HMBOX1: variants seen among roughly 807,000 people sequenced by gnomAD.
HMBOX1 encodes homeobox containing 1.
Under a neutral mutation model 54.5 loss-of-function variants are expected in HMBOX1, and 14 were observed. The observed-to-expected ratio is 0.26, with a 90% CI of 0.17 to 0.40. The LOEUF is 0.40. Among genes scored for constraint, HMBOX1 ranks in the 10% least tolerant of loss-of-function variants. The pLI is 1.00. For synonymous variants in HMBOX1, 160 were observed against 181.0 expected (o/e 0.88, Z 0.93); for missense variants, 332 against 514.4 (o/e 0.65, Z 3.43).
intron 6 of HMBOX1, among the ~76,000 whole-genome samples, chr8:29,041,381 A>G (rs939484647): frequency 1.3e-5 from 2 of 151,932 alleles, no homozygotes; most frequent in African/African-American, 4.8e-5. Context: ...TGTGAGATCC[A>G]TTTCTTTTGG....
At chr8:28,968,937 G>C (rs1405215394) in intron 2 of HMBOX1, among the ~76,000 whole-genome samples, 3 of 152,192 alleles carry the variant, frequency 2.0e-5, no homozygotes, top group Non-Finnish European at 4.4e-5. Context: ...ACTTTGGGAG[G>C]CCGAGGCGGG....
intron 5 of HMBOX1, among the ~76,000 whole-genome samples, chr8:29,014,384 C>A (rs2132919261): frequency 6.6e-6 from 1 of 152,156 alleles, no homozygotes; most frequent in Middle Eastern, 3.4e-3. Flanking sequence ...TACATTGTTC[C>A]TGCATTCTAG....
At chr8:28,944,057 A>G (rs1821951325) in intron 1 of HMBOX1, among the ~76,000 whole-genome samples, 1 of 152,118 alleles carries the variant, frequency 6.6e-6, no homozygotes, top group African/African-American at 2.4e-5. Flanking sequence ...TACATATTCT[A>G]GTCTCTCATC....
intron 6 of HMBOX1, among the ~76,000 whole-genome samples, chr8:29,039,159 T>A (rs1034480240): frequency 2.0e-5 from 3 of 152,188 alleles, no homozygotes; most frequent in Non-Finnish European, 4.4e-5. Flanking sequence ...AATATCTTCT[T>A]TACATACCTG....
intron 4 of HMBOX1, among the ~76,000 whole-genome samples, chr8:28,989,011 G>A (rs746832474): frequency 3.9e-5 from 6 of 152,034 alleles, no homozygotes; most frequent in Admixed American, 1.3e-4. Flanking sequence ...GGTGGCTCAC[G>A]CCTGTAATCC....
chr8:28,945,574 A>C (rs1822281827), intron 1 of HMBOX1, among the ~76,000 whole-genome samples: 1 of 152,180 alleles, frequency 6.6e-6, no homozygotes, highest in South Asian at 2.1e-4. Context: ...AAATAAAAGA[A>C]CCTGCTAAGG....
intron 1 of HMBOX1, among the ~76,000 whole-genome samples, chr8:28,922,719 T>G (rs991338962): frequency 5.9e-5 from 9 of 152,176 alleles, no homozygotes; most frequent in African/African-American, 1.9e-4. Context: ...AATGGAGACT[T>G]TGAACACATT....
rs544424191 is a variant in HMBOX1 at position 28,992,250 on chromosome 8, A to T, written c.586+12094A>T. On this transcript the variant is annotated intron_variant, in intron 4 of 9. Coordinates refer to ENST00000287701, the MANE Select transcript of HMBOX1 (RefSeq NM_001135726.3). ...TCCTCTTCTGGAAAATGGAAAGAATAACAACAGTACCTACCTAAACGGATT... is the reference window on the plus strand; with the variant it reads ...TCCTCTTCTGGAAAATGGAAAGAATTACAACAGTACCTACCTAAACGGATT... 7.9e-5 allele frequency among the ~76,000 whole-genome samples: 12 copies of T among 152,350 alleles called. No individual in the cohort carries two copies. In the South Asian group the frequency reaches 2.5e-3, roughly 32 times the overall value.
At chr8:29,049,254 G>C in intron 9 of HMBOX1, 1 of 1,523,820 alleles carries the variant, frequency 6.6e-7, no homozygotes, top group Non-Finnish European at 8.8e-7. Flanking sequence ...GTGAGAGATC[G>C]TTATTCACCC....
chr8:28,942,666 G>A lies in HMBOX1; in HGVS notation c.-57-21145G>A, dbSNP rs979877106. On this transcript the variant is annotated intron_variant, in intron 1 of 9. Coordinates refer to ENST00000287701, the MANE Select transcript of HMBOX1 (RefSeq NM_001135726.3). ...ATTCAGCTCCTTGTTCTTTTCTCTC[G>A]GAGTCTGTTTCATATTAGCACATAA... Among the ~76,000 whole-genome samples, 9 of 151,440 alleles carry A rather than the reference G, an allele frequency of 5.9e-5. No individual in the cohort carries two copies. In the South Asian group the frequency reaches 8.4e-4, roughly 14 times the overall value.
intron 1 of HMBOX1, among the ~76,000 whole-genome samples, chr8:28,953,487 C>T (rs950793318): frequency 3.9e-5 from 6 of 152,044 alleles, no homozygotes; most frequent in African/African-American, 7.2e-5. Context: ...TTTAACTTCT[C>T]GATGAGTCAC....
rs1204832619 is a variant in HMBOX1, at chr8:28,992,618, C to T, written c.586+12462C>T. On this transcript the variant is annotated intron_variant, in intron 4 of 9. Coordinates refer to ENST00000287701, the MANE Select transcript of HMBOX1 (RefSeq NM_001135726.3). ...GGGCGCGGTGGCTCATGCCTGTAAT[C>T]CCAGCACTCTGGGAATCCGAGTGGG... is the stretch of plus-strand genomic sequence containing the variant. Among the ~76,000 whole-genome samples, 3 of 151,936 alleles carry T rather than the reference C, an allele frequency of 2.0e-5. No individual in the cohort carries two copies. The East Asian group carries it at 5.8e-4, about 29-fold the overall frequency.
intron 1 of HMBOX1, among the ~76,000 whole-genome samples, chr8:28,934,999 G>T (rs1820151872): frequency 1.3e-5 from 2 of 151,572 alleles, no homozygotes; most frequent in Non-Finnish European, 2.9e-5. Flanking sequence ...CAACTGGAAA[G>T]GGAAAGCACA....
intron 1 of HMBOX1, among the ~76,000 whole-genome samples, chr8:28,939,812 G>A (rs966369449): frequency 6.6e-6 from 1 of 151,896 alleles, no homozygotes; most frequent in Admixed American, 6.5e-5. Flanking sequence ...GCCCGGCCGA[G>A]GAACTTGTTA....
At chr8:28,980,644 T>C (rs1044141385) in intron 4 of HMBOX1, among the ~76,000 whole-genome samples, 1 of 152,180 alleles carries the variant, frequency 6.6e-6, no homozygotes, top group Non-Finnish European at 1.5e-5. Flanking sequence ...TCTTTGTTCT[T>C]TATATCCCAT....
intron 1 of HMBOX1, among the ~76,000 whole-genome samples, chr8:28,920,436 A>AT (rs1318320308): frequency 2.0e-5 from 3 of 152,166 alleles, no homozygotes; most frequent in African/African-American, 7.2e-5. Flanking sequence ...TATTATGAGA[A>AT]TTTTTTGTGT....
At chr8:28,980,429 A>T (rs1829151522) in intron 4 of HMBOX1, among the ~76,000 whole-genome samples, 1 of 152,156 alleles carries the variant, frequency 6.6e-6, no homozygotes, top group South Asian at 2.1e-4. Flanking sequence ...TTTGCTTTTG[A>T]TTGTGACAGA....
At chr8:28,901,960 C>T (rs190081472) in intron 1 of HMBOX1, among the ~76,000 whole-genome samples, 8 of 152,280 alleles carry the variant, frequency 5.3e-5, no homozygotes, top group Admixed American at 2.0e-4. Context: ...TCTGAAGAGA[C>T]ATATCCCAGT....
chr8:28,898,193 T>C (rs1812531191), intron 1 of HMBOX1, among the ~76,000 whole-genome samples: 1 of 152,058 alleles, frequency 6.6e-6, no homozygotes, highest in African/African-American at 2.4e-5. Flanking sequence ...TTGTCTTCTC[T>C]GGGTTTGAGA....
Sources: gnomAD v4.1 joint callset for allele counts (sites outside exome capture counted in the v4.1 genomes callset) on GRCh38, gnomAD v4.1.1 for gene constraint, MANE v1.5 for transcripts, NCBI Gene and HGNC (gene_info 2026-07-23, HGNC 2026-07-21) for gene names.